Variants in TACC2 observed in about 807,000 individuals in gnomAD.
The protein encoded by TACC2 is transforming acidic coiled-coil containing protein 2, also known as transforming acidic coiled-coil-containing protein 2.
Under a neutral mutation model 227.3 loss-of-function variants are expected in TACC2, and 137 were observed. The observed-to-expected ratio is 0.60, with a 90% CI of 0.52 to 0.69. The LOEUF (loss-of-function observed/expected upper bound fraction) is 0.69. TACC2 is among the 30% of genes least tolerant of loss of function. The probability of loss-of-function intolerance (pLI) is 0.00; values close to 1 mark genes in which losing one functional copy is unlikely to be tolerated. For synonymous variants in TACC2, 1,523 were observed against 1,487.5 expected (o/e 1.02, Z -0.55); for missense variants, 3,470 against 3,694.4 (o/e 0.94, Z 1.57).
At chr10:122,009,839 T>C (rs935412765) in intron 1 of TACC2, among the ~76,000 whole-genome samples, 4 of 152,078 alleles carry the variant, frequency 2.6e-5, no homozygotes, top group African/African-American at 9.7e-5. Flanking sequence ...GGTAGGAGAA[T>C]GGCTTGAACC....
intron 7 of TACC2, among the ~76,000 whole-genome samples, chr10:122,187,202 A>G (rs957903583): frequency 1.3e-4 from 20 of 152,232 alleles, no homozygotes; most frequent in Non-Finnish European, 2.6e-4. Context: ...GCACACCCAC[A>G]TGGGCACAGT....
intron 22 of TACC2, 102 bp downstream of exon 22, chr10:122,249,766 T>A: frequency 7.2e-7 from 1 of 1,387,022 alleles, no homozygotes; most frequent in Non-Finnish European, 9.7e-7. Context: ...CCACTGCTGC[T>A]CCTGAAGACG....
At chr10:121,999,406 G>T (rs968809094) in intron 1 of TACC2, among the ~76,000 whole-genome samples, 2 of 152,198 alleles carry the variant, frequency 1.3e-5, no homozygotes, top group African/African-American at 4.8e-5. Flanking sequence ...TGGTCATAAG[G>T]TTCAAGTTAG....
intron 3 of TACC2, among the ~76,000 whole-genome samples, chr10:122,079,964 A>G (rs1383786547): frequency 6.6e-6 from 1 of 152,242 alleles, no homozygotes; most frequent in Non-Finnish European, 1.5e-5. Flanking sequence ...AGGATGGGAC[A>G]GTAAATACCC....
At chr10:122,008,243 T>TTTG (rs1955440845) in intron 1 of TACC2, among the ~76,000 whole-genome samples, 3 of 53,660 alleles carry the variant, frequency 5.6e-5, no homozygotes, top group African/African-American at 1.5e-4. Context: ...TGTCTATCCC[T>TTTG]TTGTTATTAT....
At chr10:122,114,196 T>C (rs1299660342) in intron 5 of TACC2, among the ~76,000 whole-genome samples, 2 of 152,192 alleles carry the variant, frequency 1.3e-5, no homozygotes, top group African/African-American at 4.8e-5. Context: ...TAGGGCAGTT[T>C]CCTGTGCTAT....
At chr10:122,123,837 G>C (rs1414332564) in intron 5 of TACC2, among the ~76,000 whole-genome samples, 1 of 145,992 alleles carries the variant, frequency 6.8e-6, no homozygotes, top group Admixed American at 6.8e-5. Flanking sequence ...TTTTGAGGCG[G>C]AGTTTCACTC....
intron 2 of TACC2, among the ~76,000 whole-genome samples, chr10:122,037,113 T>C (rs1048212410): frequency 1.3e-5 from 2 of 152,166 alleles, no homozygotes; most frequent in Admixed American, 1.3e-4. Flanking sequence ...AAAAGGAACA[T>C]TCTGGAATAA....
chr10:121,997,453 A>C (rs1274762009), intron 1 of TACC2, among the ~76,000 whole-genome samples: 1 of 152,144 alleles, frequency 6.6e-6, no homozygotes, highest in Non-Finnish European at 1.5e-5. Flanking sequence ...TCAAATATCT[A>C]AAGAGAAAAT....
At chr10:122,203,188 C>G (rs1328489778) in intron 8 of TACC2, among the ~76,000 whole-genome samples, 1 of 152,140 alleles carries the variant, frequency 6.6e-6, no homozygotes, top group African/African-American at 2.4e-5. Context: ...ACCTCCCAGA[C>G]GGGGTGGTGG....
chr10:122,077,020 C>G (rs868591679), intron 3 of TACC2, among the ~76,000 whole-genome samples: 41 of 149,978 alleles, frequency 2.7e-4, no homozygotes, highest in African/African-American at 9.3e-4. Context: ...GAGGCTGAGA[C>G]ACGAGAATTG....
At chr10:122,001,470 G>T (rs944713614) in intron 1 of TACC2, among the ~76,000 whole-genome samples, 1 of 152,112 alleles carries the variant, frequency 6.6e-6, no homozygotes, top group African/African-American at 2.4e-5. Flanking sequence ...CTCCCACTGG[G>T]TCCCTCCCAT....
chr10:122,179,969 A>C (rs2093911065), intron 7 of TACC2, among the ~76,000 whole-genome samples: 1 of 151,950 alleles, frequency 6.6e-6, no homozygotes, highest in Non-Finnish European at 1.5e-5. Flanking sequence ...CCATGGTCCC[A>C]GTTACTCAGG....
intron 11 of TACC2, 21 bp downstream of exon 11, chr10:122,216,849 C>A: frequency 6.2e-7 from 1 of 1,614,164 alleles, no homozygotes; most frequent in Non-Finnish European, 8.5e-7. Context: ...CTGTAGCCAG[C>A]TGGACCCCCA....
chr10:122,164,027 G>A (rs2092996829), intron 7 of TACC2: 2 of 1,559,204 alleles, frequency 1.3e-6, no homozygotes, highest in Non-Finnish European at 1.7e-6. Context: ...CGAGTCTCCC[G>A]GGGAGGAGGA....
chr10:122,206,300 G>A (rs2095105476), intron 8 of TACC2, among the ~76,000 whole-genome samples: 1 of 152,168 alleles, frequency 6.6e-6, no homozygotes, highest in South Asian at 2.1e-4. Context: ...CTCAACTTGG[G>A]CATTTTACTG....
intron 7 of TACC2, among the ~76,000 whole-genome samples, chr10:122,159,884 A>G (rs749459480): frequency 3.3e-5 from 5 of 150,690 alleles, no homozygotes; most frequent in Non-Finnish European, 5.9e-5. Context: ...GCAACTGGAG[A>G]CTCCCTGAGG....
chr10:122,071,719 C>CAA (rs145636754), intron 3 of TACC2, among the ~76,000 whole-genome samples: 7,048 of 108,544 alleles, frequency 0.065, 561 homozygotes, highest in African/African-American at 0.18. Context: ...ACTAAAAATA[C>CAA]AAAAAAAAAA....
At chr10:122,010,172 T>C (rs148339484) in intron 1 of TACC2, among the ~76,000 whole-genome samples, 13 of 152,288 alleles carry the variant, frequency 8.5e-5, no homozygotes, top group African/African-American at 3.1e-4. Flanking sequence ...ATCTCTCCCA[T>C]GTTGTTTGTG....
Sources: gnomAD v4.1 joint callset for allele counts (sites outside exome capture counted in the v4.1 genomes callset) on GRCh38, gnomAD v4.1.1 for gene constraint, MANE v1.5 for transcripts, NCBI Gene and HGNC (gene_info 2026-07-23, HGNC 2026-07-21) for gene names.